AP2B1: variants seen among roughly 807,000 people sequenced by gnomAD.
AP2B1 encodes adaptor related protein complex 2 subunit beta 1.
In AP2B1, 23 loss-of-function variants were observed where a neutral mutation model predicts 102.0. The ratio of observed to expected loss-of-function variants is 0.23; its 90% confidence interval spans 0.16 to 0.32. AP2B1 has a LOEUF of 0.32. Ranked by LOEUF, AP2B1 falls within the 10% of genes least tolerant of loss-of-function variation. AP2B1 has a pLI of 1.00. For synonymous variants in AP2B1, 381 were observed against 421.2 expected (o/e 0.90, Z 1.17); for missense variants, 541 against 1,157.4 (o/e 0.47, Z 7.73).
intron 20 of AP2B1, among the ~76,000 whole-genome samples, chr17:35,716,072 G>A (rs587602867): frequency 6.6e-6 from 1 of 152,308 alleles, no homozygotes; most frequent in African/African-American, 2.4e-5. Context: ...GAAACACAGT[G>A]ATGAAAAACT....
chr17:35,703,834 A>AATTTAAATTTTTTAAAAAAG (rs1555584096), intron 18 of AP2B1, among the ~76,000 whole-genome samples: 1 of 152,004 alleles, frequency 6.6e-6, no homozygotes, highest in Non-Finnish European at 1.5e-5. Flanking sequence ...CTTGAAATAA[A>AATTTAAATTTTTTAAAAAAG]AGTTCAGTTT....
chr17:35,601,909 CT>C, intron 3 of AP2B1, among the ~76,000 whole-genome samples: 1 of 150,068 alleles, frequency 6.7e-6, no homozygotes, highest in Admixed American at 6.6e-5. Flanking sequence ...TCCCGAGTAG[CT>C]GGGATTACAG....
At chr17:35,669,775 C>T (rs535714360) in intron 14 of AP2B1, among the ~76,000 whole-genome samples, 135 of 152,290 alleles carry the variant, frequency 8.9e-4, no homozygotes, top group African/African-American at 3.1e-3. Context: ...ATTTTTACAG[C>T]TCAACGACCT....
At chr17:35,676,367 T>A (rs979126876) in intron 17 of AP2B1, among the ~76,000 whole-genome samples, 1 of 152,220 alleles carries the variant, frequency 6.6e-6, no homozygotes, top group Non-Finnish European at 1.5e-5. Context: ...TAATTTTTTA[T>A]AAATGAAATT....
intron 18 of AP2B1, among the ~76,000 whole-genome samples, chr17:35,707,809 C>T (rs963643935): frequency 6.6e-6 from 1 of 152,200 alleles, no homozygotes; most frequent in African/African-American, 2.4e-5. Context: ...CATTACTCTG[C>T]TTAAATTCCC....
intron 3 of AP2B1, among the ~76,000 whole-genome samples, chr17:35,604,509 G>A (rs2073599313): frequency 6.6e-6 from 1 of 151,892 alleles, no homozygotes. Flanking sequence ...TGTAATCCCA[G>A]AACTTTGGGA....
At position 35,624,575 on chromosome 17, in the gene AP2B1, G is replaced by A. The variant is rs779952468; in HGVS notation, c.704G>A (p.Arg235Gln). The A allele has an allele frequency of 3.1e-6, 5 of 1,612,308 alleles. No individual in the cohort carries two copies. Among genetic ancestry groups the A allele is most frequent in the African/African-American group, 1.3e-5 (1 of 74,826 alleles). The change falls in exon 6 of 22, where the codon CGG becomes CAG. Residue 235 changes from arginine (R) to glutamine (Q), a missense_variant. By Grantham distance (43) the Arg-to-Gln change is conservative. Transcript: ENST00000610402. ...TCTAATTACAACCCTAAAGATGATCGGGAGGCTCAGAGGTCAGTCTGTTTT... is the reference window on the plus strand; with the variant it reads ...TCTAATTACAACCCTAAAGATGATCAGGAGGCTCAGAGGTCAGTCTGTTTT... ...CLSNYNPKDD[R>Q]EAQSICERVT...
intron 12 of AP2B1, among the ~76,000 whole-genome samples, chr17:35,648,236 C>T (rs2074990650): frequency 6.6e-6 from 1 of 152,096 alleles, no homozygotes; most frequent in Admixed American, 6.6e-5. Context: ...AAACAATAGG[C>T]CAGACACGGT....
chr17:35,605,963 T>C (rs1329949941), intron 4 of AP2B1, 123 bp downstream of exon 4: 1 of 1,434,302 alleles, frequency 7.0e-7, no homozygotes, highest in Non-Finnish European at 9.2e-7. Flanking sequence ...AAGCATTCTG[T>C]ATACCAGTGT....
chr17:35,645,818 C>T (rs2074917517), intron 12 of AP2B1, among the ~76,000 whole-genome samples: 1 of 152,180 alleles, frequency 6.6e-6, no homozygotes, highest in South Asian at 2.1e-4. Flanking sequence ...CATTACACTC[C>T]AGCCTGGGCA....
intron 5 of AP2B1, among the ~76,000 whole-genome samples, chr17:35,611,677 G>A (rs12936539): frequency 0.073 from 11,120 of 152,142 alleles, 470 homozygotes; most frequent in Middle Eastern, 0.11. Context: ...ATGTATTTGT[G>A]TTTTTTATTG....
intron 13 of AP2B1, among the ~76,000 whole-genome samples, chr17:35,653,584 C>T (rs2075143929): frequency 1.3e-5 from 2 of 152,176 alleles, no homozygotes; most frequent in Non-Finnish European, 2.9e-5. Context: ...AGAGGTTCTC[C>T]TGCTACAGTC....
At chr17:35,685,215 TAAAC>T (rs1199738412) in intron 18 of AP2B1, among the ~76,000 whole-genome samples, 1 of 152,222 alleles carries the variant, frequency 6.6e-6, no homozygotes, top group African/African-American at 2.4e-5. Flanking sequence ...ATGGATATGA[TAAAC>T]AAAACTTGAA....
Position 35,608,139 on chromosome 17 carries a change from C to T in AP2B1, c.280-3C>T. The T allele has an allele frequency of 6.2e-7, 1 of 1,612,726 alleles. No individual in the cohort carries two copies. Among genetic ancestry groups the T allele is most frequent in the Non-Finnish European group, 8.5e-7 (1 of 1,179,964 alleles). Reference sequence around the variant, plus strand: ...TACAGTTGTTGGTGATTGTTTTCTGCAGGACTGTGAAGATCCTAATCCTTT... The same window carrying T: ...TACAGTTGTTGGTGATTGTTTTCTGTAGGACTGTGAAGATCCTAATCCTTT... On this transcript the variant is annotated splice_region_variant and splice_polypyrimidine_tract_variant and intron_variant, in intron 4 of 21. Transcript: ENST00000610402.
intron 9 of AP2B1, among the ~76,000 whole-genome samples, chr17:35,634,532 T>C (rs888093327): frequency 6.6e-6 from 1 of 152,242 alleles, no homozygotes; most frequent in African/African-American, 2.4e-5. Context: ...TTATAGTTTC[T>C]GTACATTTGT....
chr17:35,618,553 G>A (rs943175521), intron 5 of AP2B1, among the ~76,000 whole-genome samples: 1 of 152,192 alleles, frequency 6.6e-6, no homozygotes, highest in Non-Finnish European at 1.5e-5. Flanking sequence ...GAACTGGAAA[G>A]TGGTAAGTTT....
At chr17:35,646,698 C>T (rs1001074132) in intron 12 of AP2B1, among the ~76,000 whole-genome samples, 7 of 151,128 alleles carry the variant, frequency 4.6e-5, no homozygotes, top group African/African-American at 1.7e-4. Flanking sequence ...AAGTGATTCT[C>T]CCTCCTTAGC....
intron 18 of AP2B1, among the ~76,000 whole-genome samples, chr17:35,688,950 C>T (rs1036500183): frequency 2.0e-5 from 3 of 152,062 alleles, no homozygotes; most frequent in African/African-American, 2.4e-5. Flanking sequence ...CGTGACAGAA[C>T]GAGCCACAAG....
intron 18 of AP2B1, among the ~76,000 whole-genome samples, chr17:35,687,171 G>A (rs945687372): frequency 6.6e-6 from 1 of 151,842 alleles, no homozygotes; most frequent in African/African-American, 2.4e-5. Flanking sequence ...CAGGCTGATG[G>A]TGCAGTCATG....
Sources: gnomAD v4.1 joint callset for allele counts (sites outside exome capture counted in the v4.1 genomes callset) on GRCh38, gnomAD v4.1.1 for gene constraint, MANE v1.5 for transcripts, NCBI Gene and HGNC (gene_info 2026-07-23, HGNC 2026-07-21) for gene names.